TRARG1: variants seen among roughly 807,000 people sequenced by gnomAD.
TRARG1 encodes trafficking regulator of GLUT4 (SLC2A4) 1 (gene/pseudogene).
Under a neutral mutation model 13.3 loss-of-function variants are expected in TRARG1, and 16 were observed. The ratio of observed to expected loss-of-function variants is 1.20; its 90% CI spans 0.81 to 1.83. The LOEUF is 1.83. Ranked by LOEUF, TRARG1 falls within the 40% of genes most tolerant of loss-of-function variation. The pLI is 0.00. For missense variants in TRARG1, 250 were observed against 237.4 expected (o/e 1.05, Z -0.35); for synonymous variants, 113 against 106.2 (o/e 1.06, Z -0.39).
intron 1 of TRARG1, among the ~76,000 whole-genome samples, chr17:1,286,723 G>T (rs1235225202): frequency 7.6e-6 from 1 of 132,350 alleles, no homozygotes; most frequent in South Asian, 2.6e-4. Context: ...TGTTGTTTTC[G>T]GCCTGCGGGT....
chr17:1,287,627 CTGGGATTA>C (rs2072033712), intron 1 of TRARG1, among the ~76,000 whole-genome samples: 1 of 150,540 alleles, frequency 6.6e-6, no homozygotes, highest in African/African-American at 2.5e-5. Flanking sequence ...TCCCAAAGTG[CTGGGATTA>C]CAGGTGTGAG....
chr17:1,293,173 A>C (rs2072084594), intron 1 of TRARG1, among the ~76,000 whole-genome samples: 1 of 150,688 alleles, frequency 6.6e-6, no homozygotes, highest in South Asian at 2.1e-4. Flanking sequence ...AGTCCCAGCT[A>C]CTTGGGAGGC....
At chr17:1,290,574 G>A (rs2072062107) in intron 1 of TRARG1, among the ~76,000 whole-genome samples, 1 of 152,160 alleles carries the variant, frequency 6.6e-6, no homozygotes, top group African/African-American at 2.4e-5. Flanking sequence ...GACATTACAG[G>A]CGTGAGCCAC....
intron 1 of TRARG1, among the ~76,000 whole-genome samples, chr17:1,280,774 G>C (rs1035890222): frequency 6.6e-6 from 1 of 152,192 alleles, no homozygotes; most frequent in African/African-American, 2.4e-5. Flanking sequence ...TGTCTCAGCA[G>C]AGGTTGCACC....
At chr17:1,283,696 C>G (rs988355485) in intron 1 of TRARG1, among the ~76,000 whole-genome samples, 7 of 151,998 alleles carry the variant, frequency 4.6e-5, no homozygotes, top group Non-Finnish European at 1.0e-4. Flanking sequence ...GCAATCCCAG[C>G]TACTCGGGAG....
intron 1 of TRARG1, among the ~76,000 whole-genome samples, chr17:1,295,259 C>T (rs1388388581): frequency 6.6e-6 from 1 of 152,252 alleles, no homozygotes; most frequent in African/African-American, 2.4e-5. Context: ...GGGTTCTGCT[C>T]CCAGCTGTCC....
rs760915398 is a variant in TRARG1 at position 1,280,300 on chromosome 17, C to A, written c.299C>A (p.Ala100Asp). 1 of 1,614,038 alleles carries A rather than the reference C, an allele frequency of 6.2e-7. No individual in the cohort carries two copies. The highest frequency in any genetic ancestry group is 1.3e-5 in the African/African-American group (1 of 75,042). The part of the protein sequence containing the change: ...ATTSYAQDQE[A>D]PRDYLILAVV... ...ACCTCCTATGCCCAAGACCAAGAAG[C>A]CCCCAGAGATTACCTCATCCTGGCC... The change falls in exon 1 of 3, where the codon GCC becomes GAC. Residue 100 changes from alanine to aspartate, a missense_variant. Coordinates refer to ENST00000333813, the MANE Select transcript of TRARG1 (RefSeq NM_172367.3).
At position 1,295,477 on chromosome 17, in the gene TRARG1, T is replaced by C; in HGVS notation, c.388-14T>C. The C allele has an allele frequency of 6.3e-7, 1 of 1,593,870 alleles. No individual in the cohort carries two copies. The highest frequency in any genetic ancestry group is 8.5e-7 in the Non-Finnish European group (1 of 1,170,666). ...CTTCCCGGTTCCCGGGGTCTCTCTGTGCTCTCTCCGCAGTCTCGAAGCAGC... is the reference window on the plus strand; with the variant it reads ...CTTCCCGGTTCCCGGGGTCTCTCTGCGCTCTCTCCGCAGTCTCGAAGCAGC... On this transcript the variant is annotated splice_polypyrimidine_tract_variant and intron_variant, in intron 1 of 2. Transcript: ENST00000333813.
At chr17:1,297,107 T>A (rs1264492874) in intron 2 of TRARG1, among the ~76,000 whole-genome samples, 2 of 152,162 alleles carry the variant, frequency 1.3e-5, no homozygotes, top group Non-Finnish European at 2.9e-5. Flanking sequence ...CAATGAACCC[T>A]AAGCTTTTCC....
At chr17:1,285,822 C>T (rs925528944) in intron 1 of TRARG1, among the ~76,000 whole-genome samples, 3 of 151,076 alleles carry the variant, frequency 2.0e-5, no homozygotes, top group African/African-American at 4.9e-5. Context: ...GGGGGAGGGC[C>T]GAGGGGAGTG....
intron 1 of TRARG1, among the ~76,000 whole-genome samples, chr17:1,285,947 G>A (rs954673887): frequency 6.6e-5 from 10 of 152,140 alleles, no homozygotes; most frequent in East Asian, 1.9e-4. Flanking sequence ...CTCCGAGGCC[G>A]CTCAGGTTCA....
intron 1 of TRARG1, among the ~76,000 whole-genome samples, chr17:1,291,882 C>G (rs12951532): frequency 0.35 from 52,894 of 151,956 alleles, 9,405 homozygotes; most frequent in East Asian, 0.44. Flanking sequence ...ACTGGCTGGG[C>G]CCAGTGGTTG....
chr17:1,288,405 C>T (rs1382485106), intron 1 of TRARG1, among the ~76,000 whole-genome samples: 1 of 119,906 alleles, frequency 8.3e-6, no homozygotes, highest in Non-Finnish European at 1.8e-5. Context: ...CCACAGGTTC[C>T]CCAACCCCCA....
At position 1,280,349 on chromosome 17, in the gene TRARG1, CTGG is replaced by C; in HGVS notation, c.349_351del (p.Trp117del). On this transcript the variant is annotated inframe_deletion, in exon 1 of 3. Coordinates refer to ENST00000333813, the MANE Select transcript of TRARG1 (RefSeq NM_172367.3). ...CCGTCGTCGCCTGCTTCTGCCCCGT[CTGG>C]CCCCTCAACCTCATCCCCCTCATCA... is the stretch of plus-strand genomic sequence containing the variant. The C allele has an allele frequency of 6.2e-7, 1 of 1,611,342 alleles. No homozygotes were observed.
At chr17:1,293,647 A>G (rs2072090249) in intron 1 of TRARG1, among the ~76,000 whole-genome samples, 1 of 151,566 alleles carries the variant, frequency 6.6e-6, no homozygotes, top group Non-Finnish European at 1.5e-5. Context: ...GGGTTTGATG[A>G]TGTCATGGGC....
intron 1 of TRARG1, among the ~76,000 whole-genome samples, chr17:1,293,572 GGTTTGATGATGTCGTGGGTTGA>G (rs1335325720): frequency 0.04 from 2,168 of 54,012 alleles, 74 homozygotes; most frequent in Non-Finnish European, 0.052. Context: ...TCGTGGGTTG[GGTTTGATGATGTCGTGGGTTGA>G]GTTTGATGAT....
At chr17:1,288,505 C>T (rs1273141769) in intron 1 of TRARG1, among the ~76,000 whole-genome samples, 2 of 107,422 alleles carry the variant, frequency 1.9e-5, no homozygotes, top group African/African-American at 7.8e-5. Flanking sequence ...TCCCATCCCC[C>T]ACGGGCTCCC....
chr17:1,291,544 C>T (rs960785957), intron 1 of TRARG1, among the ~76,000 whole-genome samples: 6 of 152,216 alleles, frequency 3.9e-5, no homozygotes, highest in Non-Finnish European at 7.3e-5. Flanking sequence ...CCATGCTGAA[C>T]TGTGAGTCAG....
chr17:1,283,901 A>G (rs1010121169), intron 1 of TRARG1, among the ~76,000 whole-genome samples: 7 of 152,238 alleles, frequency 4.6e-5, no homozygotes, highest in African/African-American at 1.7e-4. Context: ...TCACGAGGTC[A>G]GGAGATTGAC....
Sources: gnomAD v4.1 joint callset for allele counts (sites outside exome capture counted in the v4.1 genomes callset) on GRCh38, gnomAD v4.1.1 for gene constraint, MANE v1.5 for transcripts, NCBI Gene and HGNC (gene_info 2026-07-23, HGNC 2026-07-21) for gene names.